Variants in RBFOX1 observed in about 807,000 individuals in gnomAD.
RBFOX1 encodes RNA binding protein fox-1 homolog 1.
Under a neutral mutation model 57.7 loss-of-function variants are expected in RBFOX1, and 8 were observed. The observed-to-expected ratio is 0.14, with a 90% CI of 0.08 to 0.25. The LOEUF (loss-of-function observed/expected upper bound fraction) is 0.25, where lower values mean the gene tolerates loss of function less well. Ranked by LOEUF, RBFOX1 falls within the 10% of genes least tolerant of loss-of-function variation. The pLI is 1.00. For missense variants in RBFOX1, 611 were observed against 548.5 expected (o/e 1.11, Z -1.14); for synonymous variants, 326 against 222.4 (o/e 1.47, Z -4.15).
intron 4 of RBFOX1, among the ~76,000 whole-genome samples, chr16:7,138,884 G>C (rs1360715354): frequency 3.3e-5 from 5 of 152,098 alleles, no homozygotes; most frequent in Non-Finnish European, 7.4e-5. Context: ...TTTAGGCTCA[G>C]TGCAAGCTCC....
chr16:6,181,854 G>GTC (rs2097065681), intron 1 of RBFOX1, among the ~76,000 whole-genome samples: 2 of 152,060 alleles, frequency 1.3e-5, no homozygotes, highest in Non-Finnish European at 2.9e-5. Flanking sequence ...TGTGAATTGG[G>GTC]TCTCTCTCTG....
At chr16:6,128,334 A>G (rs9939958) in intron 1 of RBFOX1, among the ~76,000 whole-genome samples, 315 of 152,292 alleles carry the variant, frequency 2.1e-3, no homozygotes, top group African/African-American at 7.4e-3. Context: ...CTATTACTCT[A>G]AGAAGACTTC....
At chr16:7,058,739 G>A (rs1289329186) in intron 4 of RBFOX1, among the ~76,000 whole-genome samples, 3 of 152,138 alleles carry the variant, frequency 2.0e-5, no homozygotes, top group African/African-American at 7.2e-5. Flanking sequence ...TAACTTTTAT[G>A]TGTGACTGTT....
At chr16:6,095,913 T>G (rs2096240457) in intron 1 of RBFOX1, among the ~76,000 whole-genome samples, 1 of 152,172 alleles carries the variant, frequency 6.6e-6, no homozygotes, top group African/African-American at 2.4e-5. Flanking sequence ...AGGCTCCCAG[T>G]GGAGTCTGGT....
At chr16:5,975,975 C>T (rs1339025572) in intron 4 of RBFOX1, among the ~76,000 whole-genome samples, 1 of 151,842 alleles carries the variant, frequency 6.6e-6, no homozygotes, top group South Asian at 2.1e-4. Flanking sequence ...GAAACCCCAT[C>T]TCTGCTAATA....
At chr16:5,505,283 C>T (rs1018410505) in intron 2 of RBFOX1, among the ~76,000 whole-genome samples, 5 of 152,200 alleles carry the variant, frequency 3.3e-5, no homozygotes, top group Non-Finnish European at 5.9e-5. Flanking sequence ...TAACCCTGAA[C>T]TGTAGGTGGC....
chr16:7,384,891 G>C (rs1312827893), intron 4 of RBFOX1, among the ~76,000 whole-genome samples: 3 of 152,178 alleles, frequency 2.0e-5, no homozygotes, highest in Non-Finnish European at 2.9e-5. Context: ...TTAATATATG[G>C]TTAGTGACAG....
intron 4 of RBFOX1, among the ~76,000 whole-genome samples, chr16:7,332,085 G>C (rs1407620929): frequency 6.6e-6 from 1 of 152,114 alleles, no homozygotes; most frequent in Non-Finnish European, 1.5e-5. Flanking sequence ...AAAATAAAAG[G>C]CATAGAAAAT....
chr16:7,034,841 C>CTTTTTTTTTTTTTTTTTTT (rs1255430430), intron 3 of RBFOX1, among the ~76,000 whole-genome samples: 431 of 38,976 alleles, frequency 0.011, 55 homozygotes, highest in Non-Finnish European at 0.015. Flanking sequence ...TTTTTTTTTT[C>CTTTTTTTTTTTTTTTTTTT]TTTTTTCTTT....
chr16:5,777,001 G>T (rs1444406235), intron 3 of RBFOX1, among the ~76,000 whole-genome samples: 1 of 152,110 alleles, frequency 6.6e-6, no homozygotes, highest in Non-Finnish European at 1.5e-5. Context: ...TGCAGTTATG[G>T]CCACCATATG....
intron 2 of RBFOX1, among the ~76,000 whole-genome samples, chr16:5,539,467 C>CA (rs57228119): frequency 0.32 from 47,377 of 149,692 alleles, 8,681 homozygotes; most frequent in East Asian, 0.85. Flanking sequence ...TGGAAAAATA[C>CA]AAAAAAAAAC....
At chr16:6,922,730 G>T (rs1031060135) in intron 3 of RBFOX1, among the ~76,000 whole-genome samples, 4 of 152,142 alleles carry the variant, frequency 2.6e-5, no homozygotes, top group African/African-American at 9.7e-5. Flanking sequence ...AAAGCCTTCT[G>T]AGATTTTAAA....
intron 3 of RBFOX1, among the ~76,000 whole-genome samples, chr16:6,713,659 C>G (rs1049025608): frequency 1.3e-5 from 2 of 152,188 alleles, no homozygotes; most frequent in African/African-American, 4.8e-5. Context: ...ATTGAAGTTA[C>G]AGTTGCCCAA....
intron 4 of RBFOX1, among the ~76,000 whole-genome samples, chr16:7,349,209 T>C (rs2097080354): frequency 6.6e-6 from 1 of 152,112 alleles, no homozygotes; most frequent in South Asian, 2.1e-4. Flanking sequence ...ATCAGGCGGC[T>C]CAAGAGATCA....
chr16:7,388,801 A>G (rs1300787205), intron 4 of RBFOX1, among the ~76,000 whole-genome samples: 1 of 152,094 alleles, frequency 6.6e-6, no homozygotes. Context: ...GTAGGCTAAT[A>G]TAAGTGTTTT....
intron 2 of RBFOX1, among the ~76,000 whole-genome samples, chr16:6,615,980 T>A (rs1228798573): frequency 6.6e-6 from 1 of 152,212 alleles, no homozygotes; most frequent in African/African-American, 2.4e-5. Context: ...TAGCTTGACT[T>A]GCTGAACTCT....
At chr16:7,530,335 G>A (rs550769683) in intron 5 of RBFOX1, among the ~76,000 whole-genome samples, 4 of 151,992 alleles carry the variant, frequency 2.6e-5, no homozygotes, top group African/African-American at 4.8e-5. Context: ...ACACATACCC[G>A]GGGTTATCTC....
intron 1 of RBFOX1, among the ~76,000 whole-genome samples, chr16:5,459,287 G>A (rs573943616): frequency 1.8e-4 from 28 of 152,326 alleles, no homozygotes; most frequent in African/African-American, 6.7e-4. Flanking sequence ...CATCCCATCT[G>A]CATGGCAGAT....
intron 3 of RBFOX1, among the ~76,000 whole-genome samples, chr16:6,670,038 T>C (rs1016790112): frequency 3.9e-5 from 6 of 152,160 alleles, no homozygotes; most frequent in Admixed American, 3.9e-4. Context: ...TCTCTATATA[T>C]TGAGACAGGG....
Sources: gnomAD v4.1 joint callset for allele counts (sites outside exome capture counted in the v4.1 genomes callset) on GRCh38, gnomAD v4.1.1 for gene constraint, MANE v1.5 for transcripts, NCBI Gene and HGNC (gene_info 2026-07-23, HGNC 2026-07-21) for gene names.